Variants in LRFN5 observed in about 807,000 individuals in gnomAD.
LRFN5 encodes leucine-rich repeat and fibronectin type-III domain-containing protein 5.
LRFN5 carries 24 observed loss-of-function variants against 45.6 expected under a neutral mutation model. That is an observed-to-expected ratio of 0.53 (90% CI 0.38 to 0.74). The LOEUF is 0.74. Among genes scored for constraint, LRFN5 ranks in the 30% least tolerant of loss-of-function variants. The probability of loss-of-function intolerance (pLI) is 0.00; values close to 1 mark genes in which losing one functional copy is unlikely to be tolerated. For missense variants in LRFN5, 776 were observed against 861.5 expected, an observed-to-expected ratio of 0.90 and a Z score of 1.24; for synonymous variants, 340 against 313.8, an observed-to-expected ratio of 1.08 and a Z score of -0.88.
chr14:41,823,999 A>C (rs1197868998), intron 2 of LRFN5, among the ~76,000 whole-genome samples: 6 of 152,076 alleles, frequency 3.9e-5, no homozygotes, highest in Non-Finnish European at 8.8e-5. Context: ...CCTTCAATGA[A>C]TGTTTTATTT....
chr14:41,822,510 G>A (rs985171436), intron 2 of LRFN5, among the ~76,000 whole-genome samples: 2 of 152,012 alleles, frequency 1.3e-5, no homozygotes, highest in East Asian at 1.9e-4. Flanking sequence ...GGTTGAAGAA[G>A]ATAGTTGATA....
At chr14:41,904,043 G>T (rs1891175746) in intron 5 of LRFN5, 115 bp from the exon 6 acceptor site, 5 of 805,888 alleles carry the variant, frequency 6.2e-6, no homozygotes, top group Non-Finnish European at 7.9e-6. Flanking sequence ...ACTCCTCCTT[G>T]GGTGCTTACA....
chr14:41,751,605 G>A (rs559913533), intron 1 of LRFN5, among the ~76,000 whole-genome samples: 1 of 152,090 alleles, frequency 6.6e-6, no homozygotes, highest in Non-Finnish European at 1.5e-5. Context: ...GTCTCTCCAA[G>A]CAGATGCACA....
intron 2 of LRFN5, among the ~76,000 whole-genome samples, chr14:41,863,851 G>A (rs1198994363): frequency 2.8e-5 from 4 of 143,340 alleles, no homozygotes; most frequent in African/African-American, 1.0e-4. Context: ...ACCCCCAACA[G>A]GCCCCGGTTA....
At chr14:41,808,197 G>GGGAGGGAA (rs1887587443) in intron 2 of LRFN5, among the ~76,000 whole-genome samples, 1 of 101,074 alleles carries the variant, frequency 9.9e-6, no homozygotes, top group Non-Finnish European at 1.9e-5. Context: ...AGGAAGTAGA[G>GGGAGGGAA]GGAAGGAAGG....
intron 1 of LRFN5, among the ~76,000 whole-genome samples, chr14:41,687,210 T>C (rs1882160616): frequency 1.3e-5 from 2 of 152,190 alleles, no homozygotes; most frequent in African/African-American, 2.4e-5. Context: ...AGAAGACATT[T>C]ATGCAGCCAA....
intron 1 of LRFN5, among the ~76,000 whole-genome samples, chr14:41,643,371 T>C (rs987112728): frequency 5.3e-5 from 8 of 152,198 alleles, no homozygotes; most frequent in African/African-American, 1.9e-4. Context: ...TTTTTACATA[T>C]GCAATATCCT....
chr14:41,694,997 A>C (rs1018148122), intron 1 of LRFN5, among the ~76,000 whole-genome samples: 2 of 151,996 alleles, frequency 1.3e-5, no homozygotes, highest in Non-Finnish European at 2.9e-5. Context: ...TCTTGCACCA[A>C]ACAGCTCAGT....
chr14:41,662,335 G>A (rs1196933053), intron 1 of LRFN5, among the ~76,000 whole-genome samples: 8 of 151,694 alleles, frequency 5.3e-5, no homozygotes, highest in African/African-American at 1.2e-4. Flanking sequence ...CTTCTAATTC[G>A]GGACTATTAA....
chr14:41,694,859 C>T (rs1053064744), intron 1 of LRFN5, among the ~76,000 whole-genome samples: 2 of 151,850 alleles, frequency 1.3e-5, no homozygotes, highest in Non-Finnish European at 2.9e-5. Flanking sequence ...ATTAATAACT[C>T]TACAATGGCC....
intron 2 of LRFN5, among the ~76,000 whole-genome samples, chr14:41,777,371 A>G (rs1199837743): frequency 2.0e-5 from 3 of 151,740 alleles, no homozygotes; most frequent in African/African-American, 4.8e-5. Flanking sequence ...AAATTATCCT[A>G]TACATCTTGA....
chr14:41,855,643 G>T (rs1381396924), intron 2 of LRFN5, among the ~76,000 whole-genome samples: 1 of 152,132 alleles, frequency 6.6e-6, no homozygotes, highest in Non-Finnish European at 1.5e-5. Flanking sequence ...AACGACAAAA[G>T]TGTTCTTGCC....
chr14:41,650,713 TCTTGAAGTATTTTGTTC>T (rs1434128232), intron 1 of LRFN5, among the ~76,000 whole-genome samples: 2 of 152,134 alleles, frequency 1.3e-5, no homozygotes, highest in Admixed American at 1.3e-4. Context: ...GAAGAAAACA[TCTTGAAGTATTTTGTTC>T]CTGGTTAAGT....
chr14:41,613,736 CAA>C (rs925290807), intron 1 of LRFN5, among the ~76,000 whole-genome samples: 1 of 151,666 alleles, frequency 6.6e-6, no homozygotes, highest in Non-Finnish European at 1.5e-5. Context: ...AGAAAAAAAA[CAA>C]AAAAACTAAT....
At chr14:41,709,846 A>T (rs1438634372) in intron 1 of LRFN5, among the ~76,000 whole-genome samples, 1 of 152,032 alleles carries the variant, frequency 6.6e-6, no homozygotes, top group African/African-American at 2.4e-5. Flanking sequence ...ATAATATTTT[A>T]CTCCAATATA....
chr14:41,618,786 AT>A (rs1888009489), intron 1 of LRFN5, among the ~76,000 whole-genome samples: 1 of 152,208 alleles, frequency 6.6e-6, no homozygotes, highest in South Asian at 2.1e-4. Context: ...TTTTTAAAAA[AT>A]ATTTTCAACA....
chr14:41,710,392 T>C (rs1480695756), intron 1 of LRFN5, among the ~76,000 whole-genome samples: 2 of 152,116 alleles, frequency 1.3e-5, no homozygotes, highest in Non-Finnish European at 2.9e-5. Flanking sequence ...AACATATTTT[T>C]CTTAATCTTT....
In LRFN5 at chr14:41,844,027, A is replaced by G. The variant is rs182872119; in HGVS notation, c.-20-42579A>G. ...AACAATGGAGGTGAATAGATACTTC[A>G]TAACAGAGGAAAAAACAGATAACAA... On this transcript the variant is annotated intron_variant, in intron 2 of 5. Transcript: ENST00000298119. Among the ~76,000 whole-genome samples, 70 of 152,362 alleles carry G rather than the reference A, an allele frequency of 4.6e-4. No homozygotes were observed. In the East Asian group the frequency reaches 0.012, roughly 26 times the overall value.
intron 1 of LRFN5, among the ~76,000 whole-genome samples, chr14:41,674,575 A>T (rs1313941547): frequency 3.0e-5 from 3 of 99,192 alleles, no homozygotes; most frequent in South Asian, 7.4e-4. Context: ...ACCTCTCTCC[A>T]GGACGGGGCG....
Sources: allele counts gnomAD v4.1 joint callset (sites outside exome capture counted in the v4.1 genomes callset), GRCh38; gene constraint gnomAD v4.1.1; transcripts MANE v1.5; gene names NCBI Gene and HGNC (gene_info 2026-07-23, HGNC 2026-07-21).